The following EHBP1 variants were observed in gnomAD, a reference collection of about 807,000 sequenced individuals.
EHBP1 encodes EH domain binding protein 1.
In EHBP1, 55 loss-of-function variants were observed where a neutral mutation model predicts 144.0. That is an observed-to-expected ratio of 0.38 (90% CI 0.31 to 0.48). The LOEUF (loss-of-function observed/expected upper bound fraction) is 0.48, where lower values mean the gene tolerates loss of function less well. EHBP1 is among the 20% of genes least tolerant of loss of function. The pLI, the probability that EHBP1 is intolerant of heterozygous loss-of-function variation, is 0.98. For missense variants in EHBP1, 1,200 were observed against 1,364.2 expected (o/e 0.88, Z 1.90); for synonymous variants, 469 against 472.7 (o/e 0.99, Z 0.10).
intron 2 of EHBP1, among the ~76,000 whole-genome samples, chr2:62,715,653 C>T (rs1041261569): frequency 6.6e-6 from 1 of 152,092 alleles, no homozygotes; most frequent in African/African-American, 2.4e-5. Context: ...ACCTGACTTC[C>T]TCTTATCTTG....
chr2:62,787,063 T>C (rs2042856191), intron 5 of EHBP1, among the ~76,000 whole-genome samples: 1 of 152,210 alleles, frequency 6.6e-6, no homozygotes, highest in African/African-American at 2.4e-5. Flanking sequence ...AAGTTTTCAT[T>C]AGCAATAGGA....
intron 5 of EHBP1, among the ~76,000 whole-genome samples, chr2:62,797,823 T>A (rs2043651125): frequency 6.6e-6 from 1 of 152,194 alleles, no homozygotes; most frequent in African/African-American, 2.4e-5. Context: ...TGGGTCTAAG[T>A]TTCCTTCTTC....
chr2:63,000,838 G>T (rs763950508), intron 19 of EHBP1, among the ~76,000 whole-genome samples: 2 of 152,054 alleles, frequency 1.3e-5, no homozygotes, highest in Non-Finnish European at 2.9e-5. Context: ...GTGTGTGTAC[G>T]TCTGTGTATA....
chr2:62,874,902 T>G (rs1248050367), intron 10 of EHBP1, among the ~76,000 whole-genome samples: 1 of 152,116 alleles, frequency 6.6e-6, no homozygotes, highest in Non-Finnish European at 1.5e-5. Flanking sequence ...TTTGATGGCA[T>G]GCATGTGCAC....
intron 9 of EHBP1, among the ~76,000 whole-genome samples, chr2:62,873,568 A>G (rs2152842151): frequency 6.6e-6 from 1 of 152,304 alleles, no homozygotes; most frequent in East Asian, 1.9e-4. Context: ...AGATAAAGGC[A>G]GATAATTTTT....
chr2:62,840,317 A>G (rs1353689780), intron 7 of EHBP1, among the ~76,000 whole-genome samples: 18 of 137,728 alleles, frequency 1.3e-4, no homozygotes, highest in Admixed American at 1.1e-3. Flanking sequence ...TCCCTTCCTT[A>G]CACCTTATAC....
intron 7 of EHBP1, among the ~76,000 whole-genome samples, chr2:62,840,973 A>C (rs2047788747): frequency 6.6e-6 from 1 of 152,204 alleles, no homozygotes; most frequent in Non-Finnish European, 1.5e-5. Context: ...CATTTGACCC[A>C]GCCATCCCAT....
Position 62,997,835 on chromosome 2 carries a change from C to T in EHBP1, c.3103+1069C>T, listed in dbSNP as rs921762094. On this transcript the variant is annotated intron_variant, in intron 19 of 22. Transcript: ENST00000431489. Reference sequence around the variant, plus strand: ...TTTATCTGGGACAGTGGGTTTCATACTGTGTTCTCTGAAGTCCTAAATCAT... The same window carrying T: ...TTTATCTGGGACAGTGGGTTTCATATTGTGTTCTCTGAAGTCCTAAATCAT... 4.1e-4 allele frequency among the ~76,000 whole-genome samples: 62 copies of T among 152,094 alleles called. 1 individual carries two copies. The highest frequency in any genetic ancestry group is 1.4e-3 in the African/African-American group (60 of 41,414).
At chr2:62,901,450 TA>T (rs1383135504) in intron 10 of EHBP1, among the ~76,000 whole-genome samples, 1 of 152,132 alleles carries the variant, frequency 6.6e-6, no homozygotes, top group Non-Finnish European at 1.5e-5. Flanking sequence ...TTTTGCTGTT[TA>T]TTGGAATTGG....
intron 2 of EHBP1, among the ~76,000 whole-genome samples, chr2:62,716,388 T>G (rs1164657326): frequency 6.6e-6 from 1 of 152,222 alleles, no homozygotes; most frequent in East Asian, 1.9e-4. Context: ...AGCTGGATAA[T>G]TTTTTAAGGT....
At chr2:62,777,579 TTTTG>T (rs899026708) in intron 5 of EHBP1, among the ~76,000 whole-genome samples, 8 of 152,220 alleles carry the variant, frequency 5.3e-5, no homozygotes, top group Non-Finnish European at 1.0e-4. Context: ...ACTGGTAGTT[TTTTG>T]TTTGTTTGTT....
At chr2:62,696,438 T>C (rs1228788999) in intron 1 of EHBP1, among the ~76,000 whole-genome samples, 1 of 151,360 alleles carries the variant, frequency 6.6e-6, no homozygotes, top group Non-Finnish European at 1.5e-5. Flanking sequence ...TGAGCTACCA[T>C]GCCCAGCTTT....
intron 1 of EHBP1, among the ~76,000 whole-genome samples, chr2:62,690,659 C>T (rs542546074): frequency 6.6e-6 from 1 of 152,002 alleles, no homozygotes; most frequent in Non-Finnish European, 1.5e-5. Context: ...GCTCTCATAA[C>T]CAAGAATGGA....
chr2:62,826,317 C>A (rs1159563945), intron 6 of EHBP1, 49 bp downstream of exon 6: 1 of 1,482,372 alleles, frequency 6.7e-7, no homozygotes, highest in East Asian at 2.4e-5. Context: ...TTTCAGTACA[C>A]CATAGCTTTT....
intron 5 of EHBP1, among the ~76,000 whole-genome samples, chr2:62,818,051 A>G (rs952601232): frequency 6.6e-6 from 1 of 151,902 alleles, no homozygotes; most frequent in African/African-American, 2.4e-5. Context: ...TTTTTTAAGT[A>G]CCCCTGGAAC....
At chr2:62,998,547 G>A (rs905963024) in intron 19 of EHBP1, among the ~76,000 whole-genome samples, 2 of 152,094 alleles carry the variant, frequency 1.3e-5, no homozygotes, top group Non-Finnish European at 2.9e-5. Flanking sequence ...TGCCACTAGT[G>A]AAAAAGCTAT....
chr2:62,703,228 G>A (rs994056462), upstream of EHBP1, among the ~76,000 whole-genome samples: 4 of 151,766 alleles, frequency 2.6e-5, no homozygotes, highest in East Asian at 1.9e-4. Flanking sequence ...TTAGCCAGTC[G>A]TGGTAGCATG....
Position 62,950,658 on chromosome 2 carries a change from G to A in EHBP1, c.2316+1496G>A, listed in dbSNP as rs1231931591. ...TTTTAAGCATATATGGGGATTTCGA[G>A]ACCAAAAAATTGGGAAATCTCTGAG... On this transcript the variant is annotated intron_variant, in intron 13 of 22. Transcript: ENST00000431489. 2.0e-5 allele frequency among the ~76,000 whole-genome samples: 3 copies of A among 152,000 alleles called. 1 individual carries two copies. Among genetic ancestry groups the A allele is most frequent in the South Asian group, 4.2e-4 (2 of 4,806 alleles).
At chr2:62,863,980 G>A (rs1389069640) in intron 8 of EHBP1, among the ~76,000 whole-genome samples, 1 of 150,970 alleles carries the variant, frequency 6.6e-6, no homozygotes, top group Non-Finnish European at 1.5e-5. Context: ...CTGAGTAGCT[G>A]GGATTGCAGG....
Sources: allele counts gnomAD v4.1 joint callset (sites outside exome capture counted in the v4.1 genomes callset), GRCh38; gene constraint gnomAD v4.1.1; transcripts MANE v1.5; gene names NCBI Gene and HGNC (gene_info 2026-07-23, HGNC 2026-07-21).